ATG4B: variants seen among roughly 807,000 people sequenced by gnomAD.
ATG4B encodes autophagy related 4B cysteine peptidase.
In ATG4B, 29 loss-of-function variants were observed where a neutral mutation model predicts 56.6. The ratio of observed to expected loss-of-function variants is 0.51; its 90% CI spans 0.38 to 0.70. ATG4B has a LOEUF of 0.70. ATG4B is among the 30% of genes least tolerant of loss of function. The probability of loss-of-function intolerance (pLI) is 0.00; values close to 1 mark genes in which losing one functional copy is unlikely to be tolerated. For missense variants in ATG4B, 461 were observed against 515.5 expected (o/e 0.89, Z 1.02); for synonymous variants, 224 against 206.1 (o/e 1.09, Z -0.74).
In ATG4B at chr2:241,672,527, C is replaced by G; in HGVS notation, c.*263C>G. 2.0e-6 allele frequency: 1 copy of G among 507,006 alleles called. No individual in the cohort carries two copies. The highest frequency in any genetic ancestry group is 3.5e-6 in the Non-Finnish European group (1 of 281,946). The allele number at this position is 507,006 out of a possible 1,614,324, so 31.4% of individuals were successfully genotyped here. On this transcript the variant is annotated 3_prime_UTR_variant, in exon 13 of 13. Coordinates refer to ENST00000404914, the MANE Select transcript of ATG4B (RefSeq NM_013325.5). Reference sequence around the variant, plus strand: ...GTTAGGAGCTTCCAGAGTGTTCTCTCGACACTGCCAGCCCCGTGTTAGCAC... The same window carrying G: ...GTTAGGAGCTTCCAGAGTGTTCTCTGGACACTGCCAGCCCCGTGTTAGCAC...
rs376525431 is a variant in ATG4B at position 241,672,688 on chromosome 2, G to A, written c.*424G>A. ...TCAGAGTCTCAGAAGACCTGTGCAGGCTGGCGTGAGAGGAGCGGCAGCCAC... is the reference window on the plus strand; with the variant it reads ...TCAGAGTCTCAGAAGACCTGTGCAGACTGGCGTGAGAGGAGCGGCAGCCAC... On this transcript the variant is annotated 3_prime_UTR_variant, in exon 13 of 13. Coordinates refer to ENST00000404914, the MANE Select transcript of ATG4B (RefSeq NM_013325.5). The A allele has an allele frequency of 4.2e-4, 92 of 219,240 alleles. No individual in the cohort carries two copies. Among genetic ancestry groups the A allele is most frequent in the African/African-American group, 2.0e-3 (86 of 43,928 alleles). 13.6% of individuals were successfully genotyped at this position (219,240 alleles called of 1,614,324 possible).
intron 1 of ATG4B, among the ~76,000 whole-genome samples, chr2:241,639,498 T>TA (rs1241052457): frequency 1.3e-5 from 2 of 152,228 alleles, no homozygotes; most frequent in Admixed American, 1.3e-4. Flanking sequence ...GCCACAGTGT[T>TA]ACAGCCTTCT....
intron 7 of ATG4B, among the ~76,000 whole-genome samples, chr2:241,665,242 A>G (rs2068726227): frequency 6.6e-6 from 1 of 152,216 alleles, no homozygotes; most frequent in African/African-American, 2.4e-5. Flanking sequence ...TAGATCCACC[A>G]ATTGTGTTTT....
chr2:241,668,519 C>G lies in ATG4B; in HGVS notation c.812-21C>G. 1 of 1,603,996 alleles carries G rather than the reference C, an allele frequency of 6.2e-7. No homozygotes were observed. Among genetic ancestry groups the G allele is most frequent in the Non-Finnish European group, 8.5e-7 (1 of 1,178,270 alleles). Reference sequence around the variant, plus strand: ...TCTGCCGGCTCGGCCACCCACCTGCCCACCTGCCTCATCCTCCCAGGTGAG... The same window carrying G: ...TCTGCCGGCTCGGCCACCCACCTGCGCACCTGCCTCATCCTCCCAGGTGAG... On this transcript the variant is annotated intron_variant, in intron 9 of 12. Transcript: ENST00000404914. The surrounding 1 kb of genome is among the most constrained non-coding windows in gnomAD (Gnocchi z 4.2).
chr2:241,658,601 A>G (rs1443420513), intron 6 of ATG4B, among the ~76,000 whole-genome samples: 2 of 152,146 alleles, frequency 1.3e-5, no homozygotes, highest in African/African-American at 2.4e-5. Flanking sequence ...AGAAGGGGAA[A>G]TCCAAGGCCA....
At chr2:241,643,611 T>C (rs1328755842) in intron 1 of ATG4B, among the ~76,000 whole-genome samples, 1 of 149,500 alleles carries the variant, frequency 6.7e-6, no homozygotes, top group Non-Finnish European at 1.5e-5. Flanking sequence ...AACATATATA[T>C]ACGTATATAT....
intron 8 of ATG4B, chr2:241,667,896 G>C: frequency 6.2e-6 from 3 of 482,332 alleles, no homozygotes; most frequent in Non-Finnish European, 1.1e-5. Flanking sequence ...CCTCACTCCC[G>C]GCCTCCCCAA....
chr2:241,656,347 T>C (rs1158356903), intron 6 of ATG4B, among the ~76,000 whole-genome samples: 1 of 151,080 alleles, frequency 6.6e-6, no homozygotes, highest in Non-Finnish European at 1.5e-5. Flanking sequence ...TGCTGCTCCC[T>C]CTGTCTCCAG....
At chr2:241,656,336 C>T (rs1409929560) in intron 6 of ATG4B, among the ~76,000 whole-genome samples, 2 of 152,176 alleles carry the variant, frequency 1.3e-5, no homozygotes. Flanking sequence ...CATCCCCAGC[C>T]TGCTGCTCCC....
At chr2:241,637,822 AC>A in intron 1 of ATG4B, 98 bp downstream of exon 1, 1 of 1,266,130 alleles carries the variant, frequency 7.9e-7, no homozygotes, top group Non-Finnish European at 1.0e-6. Flanking sequence ...GCCTCGGGGC[AC>A]GCCGGTGCGG....
chr2:241,672,029 G>A (rs912177679), intron 12 of ATG4B, 162 bp from the exon 13 acceptor site: 7 of 1,395,466 alleles, frequency 5.0e-6, no homozygotes, highest in Non-Finnish European at 6.5e-6. Flanking sequence ...CCCCATATTC[G>A]CAGGTCTGCA....
At chr2:241,670,464 AC>A in intron 10 of ATG4B, 1 of 562,028 alleles carries the variant, frequency 1.8e-6, no homozygotes, top group Non-Finnish European at 3.2e-6. Flanking sequence ...TGAGAGATGC[AC>A]ACCACGTAAC....
Position 241,673,635 on chromosome 2 carries a change from A to G in ATG4B, c.*1371A>G. On this transcript the variant is annotated 3_prime_UTR_variant, in exon 13 of 13. Transcript: ENST00000404914. ...CCCTTGGGTGTAGTTGGGGTGGGGA[A>G]GCAGGGAAGGCTGGTGCGATCTCCA... 2.2e-6 allele frequency: 1 copy of G among 456,288 alleles called. No homozygotes were observed. The highest frequency in any genetic ancestry group is 4.4e-6 in the Non-Finnish European group (1 of 227,096). The allele number at this position is 456,288 out of a possible 1,614,324, so 28.3% of individuals were successfully genotyped here.
At chr2:241,644,594 G>C (rs1179895385) in intron 1 of ATG4B, among the ~76,000 whole-genome samples, 1 of 152,088 alleles carries the variant, frequency 6.6e-6, no homozygotes, top group Non-Finnish European at 1.5e-5. Flanking sequence ...GTGTTGGCCG[G>C]GCGCGGTCTG....
rs1324500010 is a variant in ATG4B at position 241,672,400 on chromosome 2, G to A, written c.*136G>A. Reference sequence around the variant, plus strand: ...CCCCAGAGGGCCACCCGCTGTGCTCGTGGACTGAGGCTGCGCTGCCCGGGA... The same window carrying A: ...CCCCAGAGGGCCACCCGCTGTGCTCATGGACTGAGGCTGCGCTGCCCGGGA... On this transcript the variant is annotated 3_prime_UTR_variant, in exon 13 of 13. Transcript: ENST00000404914. 7 of 776,476 alleles carry A rather than the reference G, an allele frequency of 9.0e-6. No homozygotes were observed. The East Asian group carries it at 1.3e-4, about 15-fold the overall frequency. 48.1% of individuals were successfully genotyped at this position (776,476 alleles called of 1,614,324 possible). A position where few individuals can be genotyped will look rare whatever the true frequency, so the allele number is the denominator to read the frequency against.
intron 3 of ATG4B, 73 bp from the exon 4 acceptor site, chr2:241,653,439 C>G: frequency 3.2e-6 from 5 of 1,551,132 alleles, no homozygotes; most frequent in Non-Finnish European, 4.4e-6. Context: ...TGACCGGCTG[C>G]CTCCTGCCAG....
intron 12 of ATG4B, 128 bp from the exon 13 acceptor site, chr2:241,672,063 C>G (rs942361624): frequency 6.8e-7 from 1 of 1,476,838 alleles, no homozygotes; most frequent in Non-Finnish European, 9.0e-7. Flanking sequence ...TGTTCACACC[C>G]GCATGGGGAC....
In ATG4B at chr2:241,671,476, C is replaced by A. The variant is rs188318080; in HGVS notation, c.1108+71C>A. On this transcript the variant is annotated intron_variant, in intron 12 of 12. Coordinates refer to ENST00000404914, the MANE Select transcript of ATG4B (RefSeq NM_013325.5). ...GTGCCCTTGCTTCCCCAGTCCTGGC[C>A]CCCTTGGTTTTGACCATTAAGGTGT... The A allele has an allele frequency of 2.3e-3, 3,700 of 1,579,460 alleles. 10 individuals carry two copies. Among genetic ancestry groups the A allele is most frequent in the Middle Eastern group, 2.8e-3 (17 of 6,028 alleles).
intron 6 of ATG4B, 65 bp from the exon 7 acceptor site, chr2:241,659,043 A>C (rs2125133057): frequency 7.6e-7 from 1 of 1,312,584 alleles, no homozygotes; most frequent in Non-Finnish European, 1.1e-6. Context: ...GCGCAGCTAT[A>C]GCTGCAAAGA....
Sources: allele counts gnomAD v4.1 joint callset (sites outside exome capture counted in the v4.1 genomes callset), GRCh38; gene constraint gnomAD v4.1.1; non-coding constraint Gnocchi (gnomAD v3.1); transcripts MANE v1.5; gene names NCBI Gene and HGNC (gene_info 2026-07-23, HGNC 2026-07-21).